DYM: variants seen among roughly 807,000 people sequenced by gnomAD.
DYM encodes dyggve-Melchior-Clausen syndrome protein.
A neutral mutation model predicts 93.1 loss-of-function variants in DYM; 78 were observed. The ratio of observed to expected loss-of-function variants is 0.84; its 90% CI spans 0.70 to 1.01. DYM has a LOEUF of 1.01. Among genes scored for constraint, DYM ranks in the 50% least tolerant of loss-of-function variants. The pLI, the probability that DYM is intolerant of heterozygous loss-of-function variation, is 0.00. For synonymous variants in DYM, 321 were observed against 319.7 expected, an observed-to-expected ratio of 1.00 and a Z score of -0.04; for missense variants, 789 against 845.0, an observed-to-expected ratio of 0.93 and a Z score of 0.82.
chr18:49,157,176 T>C (rs936001600), intron 15 of DYM, among the ~76,000 whole-genome samples: 16 of 152,078 alleles, frequency 1.1e-4, no homozygotes, highest in African/African-American at 3.9e-4. Context: ...CCCAGACAGA[T>C]TAGAAAATCC....
intron 15 of DYM, among the ~76,000 whole-genome samples, chr18:49,128,406 T>A (rs572310373): frequency 6.6e-5 from 10 of 152,300 alleles, no homozygotes; most frequent in South Asian, 4.1e-4. Context: ...GAAAAAGAAA[T>A]CCCTTTCCAC....
chr18:49,102,976 T>C (rs928362036), intron 16 of DYM, among the ~76,000 whole-genome samples: 1 of 152,204 alleles, frequency 6.6e-6, no homozygotes, highest in Non-Finnish European at 1.5e-5. Context: ...TTCTAGATCC[T>C]TGAGGAATCG....
chr18:49,351,279 G>A (rs773520685), intron 6 of DYM, among the ~76,000 whole-genome samples: 4 of 152,076 alleles, frequency 2.6e-5, no homozygotes, highest in African/African-American at 7.2e-5. Context: ...AAAATTAGCC[G>A]GAAATCGCTT....
At chr18:49,079,964 C>G (rs1464239381) in intron 17 of DYM, among the ~76,000 whole-genome samples, 1 of 151,014 alleles carries the variant, frequency 6.6e-6, no homozygotes, top group Non-Finnish European at 1.5e-5. Context: ...GGGCTCCTCA[C>G]TTCCCAGTAG....
chr18:49,224,219 A>C (rs1162869143), intron 13 of DYM, among the ~76,000 whole-genome samples: 1 of 152,114 alleles, frequency 6.6e-6, no homozygotes, highest in Admixed American at 6.6e-5. Context: ...AGGCGGCAAC[A>C]GAGGAAGAGG....
chr18:49,325,654 G>A (rs1231066639), intron 8 of DYM, among the ~76,000 whole-genome samples: 1 of 152,142 alleles, frequency 6.6e-6, no homozygotes, highest in Non-Finnish European at 1.5e-5. Flanking sequence ...ATCTGGAAAA[G>A]GCTTAGATGA....
Position 49,077,097 on chromosome 18 carries a change from A to C in DYM, c.2025+20305T>G, listed in dbSNP as rs908924676. Among the ~76,000 whole-genome samples, 2 of 152,234 alleles carry C rather than the reference A, an allele frequency of 1.3e-5. 1 individual carries two copies. Among genetic ancestry groups the C allele is most frequent in the Admixed American group, 1.3e-4 (2 of 15,282 alleles). Reference sequence around the variant, plus strand: ...GGCATTTGTTAGATGAAAATGACCAAACTGACTGTTCCCCTATTTTTTGCT... The same window carrying C: ...GGCATTTGTTAGATGAAAATGACCACACTGACTGTTCCCCTATTTTTTGCT... On this transcript the variant is annotated intron_variant, in intron 17 of 17. Coordinates refer to ENST00000675505, the MANE Select transcript of DYM (RefSeq NM_001353214.3).
At position 49,055,223 on chromosome 18, in the gene DYM, G is replaced by A. The variant is rs146841792; in HGVS notation, c.2026-11019C>T. Among the ~76,000 whole-genome samples, 15 of 152,234 alleles carry A rather than the reference G, an allele frequency of 9.9e-5. No homozygotes were observed. The East Asian group carries it at 2.5e-3, about 25-fold the overall frequency. ...AGGCTGACAGCACCCTTCTGGGGCC[G>A]ATCTGCAGTGAGGTGTGGCTAGAGG... On this transcript the variant is annotated intron_variant, in intron 17 of 17. Coordinates refer to ENST00000675505, the MANE Select transcript of DYM (RefSeq NM_001353214.3).
At chr18:49,225,441 G>T (rs1247621375) in intron 13 of DYM, among the ~76,000 whole-genome samples, 1 of 152,042 alleles carries the variant, frequency 6.6e-6, no homozygotes, top group Non-Finnish European at 1.5e-5. Flanking sequence ...CAGACTGGCT[G>T]AAACACTGGA....
At position 49,277,585 on chromosome 18, in the gene DYM, G is replaced by A. The variant is rs538435386; in HGVS notation, c.1125+4412C>T. ...GTAACAGGGGTGGAGCCCTCATGAC[G>A]GGATTAGTACCCTTATAAGAGATAG... On this transcript the variant is annotated intron_variant, in intron 10 of 17. Coordinates refer to ENST00000675505, the MANE Select transcript of DYM (RefSeq NM_001353214.3). Among the ~76,000 whole-genome samples the A allele has an allele frequency of 7.9e-5, 12 of 152,212 alleles. No individual in the cohort carries two copies. The East Asian group carries it at 1.7e-3, about 22-fold the overall frequency.
At chr18:49,274,642 CTTA>C (rs1163315978) in intron 10 of DYM, among the ~76,000 whole-genome samples, 1 of 152,118 alleles carries the variant, frequency 6.6e-6, no homozygotes, top group Non-Finnish European at 1.5e-5. Flanking sequence ...ATCCTCACTT[CTTA>C]TTATCTAACA....
chr18:49,188,284 T>C (rs973370042), intron 14 of DYM, among the ~76,000 whole-genome samples: 1 of 152,164 alleles, frequency 6.6e-6, no homozygotes, highest in African/African-American at 2.4e-5. Flanking sequence ...AGGTGGGAAG[T>C]AGAAGTACTT....
chr18:49,359,670 A>T (rs1246506615), intron 6 of DYM: 1 of 152,238 alleles, frequency 6.6e-6, no homozygotes, highest in Non-Finnish European at 1.5e-5. Context: ...GAATGATTTT[A>T]AAAGTCTCAT....
rs2070734611 is a variant in DYM, at chr18:49,037,144, C to T, written c.*6911G>A. Among the ~76,000 whole-genome samples, 1 of 152,172 alleles carries T rather than the reference C, an allele frequency of 6.6e-6. No individual in the cohort carries two copies. Among genetic ancestry groups the T allele is most frequent in the South Asian group, 2.1e-4 (1 of 4,828 alleles). On this transcript the variant is annotated 3_prime_UTR_variant, in exon 18 of 18. Coordinates refer to ENST00000675505, the MANE Select transcript of DYM (RefSeq NM_001353214.3). ...CTTGAACTCCTGACCTCAGGTGACT[C>T]CCAAAGTGCTGGGATTACACATGTG...
At chr18:49,377,691 CGTTT>C (rs1568342215) in intron 5 of DYM, among the ~76,000 whole-genome samples, 2 of 152,108 alleles carry the variant, frequency 1.3e-5, no homozygotes, top group African/African-American at 2.4e-5. Context: ...CTCTTTTATA[CGTTT>C]GTTTCCCTTT....
intron 11 of DYM, among the ~76,000 whole-genome samples, chr18:49,258,861 GAGAGAGA>G (rs2094442761): frequency 8.9e-6 from 1 of 112,334 alleles, no homozygotes; most frequent in South Asian, 2.8e-4. Context: ...GAGAGAGAGA[GAGAGAGA>G]GAGAGAGAGA....
At chr18:49,109,108 A>G (rs1299633923) in intron 16 of DYM, among the ~76,000 whole-genome samples, 2 of 151,982 alleles carry the variant, frequency 1.3e-5, no homozygotes, top group African/African-American at 4.8e-5. Context: ...TTTATGTTTA[A>G]GGTGGGTTTC....
At chr18:49,345,623 T>C (rs941373267) in intron 6 of DYM, among the ~76,000 whole-genome samples, 3 of 152,022 alleles carry the variant, frequency 2.0e-5, no homozygotes, top group Non-Finnish European at 4.4e-5. Flanking sequence ...AGGGCTAGAA[T>C]AGAATCTGCA....
At chr18:49,078,319 T>C (rs539509233) in intron 17 of DYM, among the ~76,000 whole-genome samples, 2 of 152,242 alleles carry the variant, frequency 1.3e-5, no homozygotes, top group African/African-American at 4.8e-5. Flanking sequence ...ATGTGCTTAT[T>C]TCACGTTGCA....
Sources: allele counts gnomAD v4.1 joint callset (sites outside exome capture counted in the v4.1 genomes callset), GRCh38; gene constraint gnomAD v4.1.1; transcripts MANE v1.5; gene names NCBI Gene and HGNC (gene_info 2026-07-23, HGNC 2026-07-21).